The following HIKESHI variants were observed in gnomAD, a reference collection of about 807,000 sequenced individuals.
HIKESHI encodes the protein heat shock protein nuclear import factor hikeshi.
A neutral mutation model predicts 25.7 loss-of-function variants in HIKESHI; 13 were observed. The ratio of observed to expected loss-of-function variants is 0.51; its 90% CI spans 0.33 to 0.80. The LOEUF is 0.80. Among genes scored for constraint, HIKESHI ranks in the 30% least tolerant of loss-of-function variants. The pLI, the probability that HIKESHI is intolerant of heterozygous loss-of-function variation, is 0.02. For missense variants in HIKESHI, 174 were observed against 229.5 expected, an observed-to-expected ratio of 0.76 and a Z score of 1.56; for synonymous variants, 76 against 78.7, an observed-to-expected ratio of 0.97 and a Z score of 0.18.
At chr11:86,328,080 G>T (rs1947328524) in intron 2 of HIKESHI, among the ~76,000 whole-genome samples, 1 of 152,176 alleles carries the variant, frequency 6.6e-6, no homozygotes, top group Non-Finnish European at 1.5e-5. Context: ...AGAATGAAAG[G>T]CCCTAAAATA....
intron 2 of HIKESHI, among the ~76,000 whole-genome samples, chr11:86,329,469 A>G (rs890537182): frequency 3.3e-5 from 5 of 152,138 alleles, no homozygotes; most frequent in Admixed American, 6.5e-5. Context: ...ATATCTTGTT[A>G]AAGTCCCTAA....
intron 2 of HIKESHI, among the ~76,000 whole-genome samples, chr11:86,320,969 C>T (rs1947133385): frequency 6.6e-6 from 1 of 152,098 alleles, no homozygotes; most frequent in Admixed American, 6.6e-5. Context: ...GAGTCTCACA[C>T]TGTTGCTCAG....
At chr11:86,322,841 G>C (rs532728029) in intron 2 of HIKESHI, among the ~76,000 whole-genome samples, 3 of 152,154 alleles carry the variant, frequency 2.0e-5, no homozygotes, top group African/African-American at 7.2e-5. Context: ...TCCAACATTG[G>C]TTGAAAAGAC....
chr11:86,314,542 G>A (rs1307885461), intron 2 of HIKESHI, among the ~76,000 whole-genome samples: 2 of 152,148 alleles, frequency 1.3e-5, no homozygotes, highest in Non-Finnish European at 2.9e-5. Flanking sequence ...TTGAACCCAG[G>A]AGGTGGAGAT....
At chr11:86,307,469 TTATA>T (rs1458055887) in intron 2 of HIKESHI, among the ~76,000 whole-genome samples, 1 of 139,194 alleles carries the variant, frequency 7.2e-6, no homozygotes, top group East Asian at 2.1e-4. Context: ...GTAGTATACA[TTATA>T]TATCAAATAT....
At chr11:86,309,574 A>G (rs1004266305) in intron 2 of HIKESHI, among the ~76,000 whole-genome samples, 6 of 152,072 alleles carry the variant, frequency 3.9e-5, no homozygotes, top group African/African-American at 1.2e-4. Context: ...CTTTAGTTTA[A>G]TTAGATCCCA....
At chr11:86,312,008 A>G (rs1946847312) in intron 2 of HIKESHI, among the ~76,000 whole-genome samples, 1 of 152,176 alleles carries the variant, frequency 6.6e-6, no homozygotes, top group African/African-American at 2.4e-5. Context: ...AATAAGTGCG[A>G]TGTGGTGCTG....
chr11:86,304,983 T>A (rs1946584906), intron 1 of HIKESHI, among the ~76,000 whole-genome samples: 1 of 152,214 alleles, frequency 6.6e-6, no homozygotes, highest in Admixed American at 6.5e-5. Flanking sequence ...ATTGCTTACC[T>A]GTTTTAATTA....
At chr11:86,325,740 T>C (rs2138366209) in intron 2 of HIKESHI, among the ~76,000 whole-genome samples, 1 of 151,662 alleles carries the variant, frequency 6.6e-6, no homozygotes, top group South Asian at 2.1e-4. Flanking sequence ...GGCGTGGTGG[T>C]GTGTGCCTGT....
chr11:86,306,598 T>A, intron 2 of HIKESHI, 116 bp downstream of exon 2: 1 of 614,826 alleles, frequency 1.6e-6, no homozygotes, highest in Non-Finnish European at 2.7e-6. Flanking sequence ...GTTAAAGTAA[T>A]ACAAAACATT....
At position 86,345,575 on chromosome 11, in the gene HIKESHI, C is replaced by T; in HGVS notation, c.540-9C>T. The T allele has an allele frequency of 6.6e-7, 1 of 1,512,462 alleles. No individual in the cohort carries two copies. Among genetic ancestry groups the T allele is most frequent in the Non-Finnish European group, 9.1e-7 (1 of 1,103,506 alleles). 93.7% of individuals were successfully genotyped at this position (1,512,462 alleles called of 1,614,324 possible). On this transcript the variant is annotated splice_polypyrimidine_tract_variant and intron_variant, in intron 4 of 4. Transcript: ENST00000278483. ...TTGTGAATGTAAATATATGTGTTTTCTTTTCTAGGTATGAAAACTTTCAAA... is the reference window on the plus strand; with the variant it reads ...TTGTGAATGTAAATATATGTGTTTTTTTTTCTAGGTATGAAAACTTTCAAA...
chr11:86,343,692 C>T (rs1267971858), intron 3 of HIKESHI: 1 of 152,066 alleles, frequency 6.6e-6, no homozygotes, highest in South Asian at 2.1e-4. Context: ...TAATCAGGTG[C>T]CTTCGCAGCA....
chr11:86,308,635 A>C (rs1307598371), intron 2 of HIKESHI, among the ~76,000 whole-genome samples: 1 of 151,142 alleles, frequency 6.6e-6, no homozygotes, highest in African/African-American at 2.4e-5. Context: ...TTCATTACAT[A>C]TGTATACATG....
intron 2 of HIKESHI, among the ~76,000 whole-genome samples, chr11:86,333,742 G>C (rs1947478063): frequency 1.3e-5 from 2 of 152,002 alleles, no homozygotes; most frequent in Admixed American, 1.3e-4. Flanking sequence ...GAAAGCAGGG[G>C]TGTATAGAGA....
intron 2 of HIKESHI, among the ~76,000 whole-genome samples, chr11:86,312,739 A>G (rs1201040680): frequency 6.6e-6 from 1 of 152,118 alleles, no homozygotes; most frequent in Non-Finnish European, 1.5e-5. Context: ...AGGAGCTCTT[A>G]TAAGGCAGGC....
intron 2 of HIKESHI, among the ~76,000 whole-genome samples, chr11:86,326,280 A>G (rs1947281676): frequency 6.6e-6 from 1 of 152,248 alleles, no homozygotes; most frequent in Non-Finnish European, 1.5e-5. Context: ...CCTGGGCGAC[A>G]GAGGGAGACT....
intron 2 of HIKESHI, among the ~76,000 whole-genome samples, chr11:86,325,436 G>T (rs914646536): frequency 1.3e-5 from 2 of 152,112 alleles, no homozygotes; most frequent in African/African-American, 4.8e-5. Context: ...ATTTTACCCC[G>T]TTGCTGGAAC....
chr11:86,307,388 T>TA (rs1267804685), intron 2 of HIKESHI, among the ~76,000 whole-genome samples: 2 of 123,782 alleles, frequency 1.6e-5, no homozygotes, highest in Non-Finnish European at 3.2e-5. Context: ...TATCAATATA[T>TA]TATGTGTAAT....
intron 2 of HIKESHI, among the ~76,000 whole-genome samples, chr11:86,334,107 C>G (rs555450875): frequency 9.8e-5 from 15 of 152,292 alleles, no homozygotes; most frequent in African/African-American, 3.4e-4. Context: ...TAGCCCATTT[C>G]AGCTATATCT....
Sources: gnomAD v4.1 joint callset for allele counts (sites outside exome capture counted in the v4.1 genomes callset) on GRCh38, gnomAD v4.1.1 for gene constraint, MANE v1.5 for transcripts, NCBI Gene and HGNC (gene_info 2026-07-23, HGNC 2026-07-21) for gene names.